The following CACNB4 variants were observed in gnomAD, a reference collection of about 807,000 sequenced individuals.
CACNB4 encodes the protein calcium voltage-gated channel auxiliary subunit beta 4.
CACNB4 carries 32 observed loss-of-function variants against 71.2 expected under a neutral mutation model. That is an observed-to-expected ratio of 0.45 (90% confidence interval 0.34 to 0.60). The LOEUF (loss-of-function observed/expected upper bound fraction) is 0.60, where lower values mean the gene tolerates loss of function less well. CACNB4 is among the 20% of genes least tolerant of loss of function. The pLI, the probability that CACNB4 is intolerant of heterozygous loss-of-function variation, is 0.01. For missense variants in CACNB4, 464 were observed against 647.9 expected (o/e 0.72, Z 3.08); for synonymous variants, 231 against 236.9 (o/e 0.97, Z 0.23).
intron 2 of CACNB4, among the ~76,000 whole-genome samples, chr2:151,974,731 C>G (rs191350965): frequency 6.6e-6 from 1 of 151,524 alleles, no homozygotes; most frequent in Non-Finnish European, 1.5e-5. Context: ...TGCTCCACAC[C>G]GCAACTCAGG....
intron 2 of CACNB4, chr2:151,968,798 A>G (rs1251599383): frequency 6.6e-6 from 1 of 152,200 alleles, no homozygotes; most frequent in African/African-American, 2.4e-5. Flanking sequence ...TCTAATAATA[A>G]TAATAACAGC....
At chr2:152,085,005 C>G (rs1379312395) in intron 2 of CACNB4, among the ~76,000 whole-genome samples, 1 of 151,978 alleles carries the variant, frequency 6.6e-6, no homozygotes, top group South Asian at 2.1e-4. Flanking sequence ...AGCCAAAACA[C>G]AGTATAAGGG....
At chr2:151,954,684 G>C (rs1458961702) in intron 2 of CACNB4, among the ~76,000 whole-genome samples, 1 of 152,044 alleles carries the variant, frequency 6.6e-6, no homozygotes, top group South Asian at 2.1e-4. Context: ...ATTATGATCT[G>C]AACTTGGAAA....
chr2:152,040,095 G>A (rs1018363714), intron 2 of CACNB4, among the ~76,000 whole-genome samples: 1 of 152,146 alleles, frequency 6.6e-6, no homozygotes, highest in African/African-American at 2.4e-5. Flanking sequence ...GGCTAAATGG[G>A]AATGTCTCAT....
intron 2 of CACNB4, among the ~76,000 whole-genome samples, chr2:151,959,988 C>T (rs937705624): frequency 6.6e-6 from 1 of 152,172 alleles, no homozygotes; most frequent in African/African-American, 2.4e-5. Flanking sequence ...AGATCTGCCT[C>T]ACCGTTCTTA....
At chr2:151,913,667 G>A (rs978093756) in intron 2 of CACNB4, among the ~76,000 whole-genome samples, 11 of 151,548 alleles carry the variant, frequency 7.3e-5, no homozygotes, top group Non-Finnish European at 1.5e-4. Flanking sequence ...TCAGGAGGCT[G>A]AGGCAGGCGA....
At chr2:151,883,929 G>C (rs140614951) in intron 2 of CACNB4, 271 of 176,592 alleles carry the variant, frequency 1.5e-3, no homozygotes, top group African/African-American at 6.3e-3. Context: ...TGGTCAACAA[G>C]AACACTGAGC....
In CACNB4 at chr2:151,832,890, A is replaced by C. The variant is rs1009328807; in HGVS notation, c.*6229T>G. 6 of 152,114 alleles carry C rather than the reference A, an allele frequency of 3.9e-5. No homozygotes were observed. The highest frequency in any genetic ancestry group is 1.4e-4 in the African/African-American group (6 of 41,438). 9.4% of individuals were successfully genotyped at this position (152,114 alleles called of 1,614,324 possible). On this transcript the variant is annotated 3_prime_UTR_variant, in exon 14 of 14. Coordinates refer to ENST00000539935, the MANE Select transcript of CACNB4 (RefSeq NM_000726.5). ...AGGATACTCTATGCATGCACTCTGCATTTTCTTTGTTAATGTTTTTATTCA... is the reference window on the plus strand; with the variant it reads ...AGGATACTCTATGCATGCACTCTGCCTTTTCTTTGTTAATGTTTTTATTCA...
chr2:151,950,747 T>A (rs940463332), intron 2 of CACNB4, among the ~76,000 whole-genome samples: 4 of 152,198 alleles, frequency 2.6e-5, no homozygotes, highest in African/African-American at 9.7e-5. Flanking sequence ...ATGTGAAATA[T>A]CCAAAATAAG....
intron 2 of CACNB4, among the ~76,000 whole-genome samples, chr2:152,071,372 G>C (rs979066900): frequency 6.6e-6 from 1 of 152,180 alleles, no homozygotes; most frequent in Non-Finnish European, 1.5e-5. Context: ...GCAGGGGTGA[G>C]AGAGTTACAG....
At chr2:152,005,652 C>A (rs543178636) in intron 2 of CACNB4, among the ~76,000 whole-genome samples, 1 of 152,272 alleles carries the variant, frequency 6.6e-6, no homozygotes, top group South Asian at 2.1e-4. Flanking sequence ...ACATGTATTT[C>A]TAAATCTACA....
chr2:151,934,062 A>G (rs1016354382), intron 2 of CACNB4, among the ~76,000 whole-genome samples: 31 of 152,256 alleles, frequency 2.0e-4, no homozygotes, highest in African/African-American at 7.2e-4. Flanking sequence ...TGCAAAATGC[A>G]GACAGAAAAG....
rs377677255 is a variant in CACNB4, at chr2:152,037,581, C to T, written c.147+60749G>A. Among the ~76,000 whole-genome samples, 19 of 152,348 alleles carry T rather than the reference C, an allele frequency of 1.2e-4. 1 individual carries two copies. The South Asian group carries it at 3.9e-3, about 32-fold the overall frequency. Reference sequence around the variant, plus strand: ...ACATTTTGAAGTATTCCATGAACAACTGAATAATGTGACCTTCTGACTCCC... The same window carrying T: ...ACATTTTGAAGTATTCCATGAACAATTGAATAATGTGACCTTCTGACTCCC... On this transcript the variant is annotated intron_variant, in intron 2 of 13. Coordinates refer to ENST00000539935, the MANE Select transcript of CACNB4 (RefSeq NM_000726.5).
chr2:151,969,331 C>T (rs1339748874), intron 2 of CACNB4: 1 of 152,128 alleles, frequency 6.6e-6, no homozygotes, highest in Non-Finnish European at 1.5e-5. Flanking sequence ...TCCTTAAATC[C>T]CTAAAGTGTC....
chr2:152,013,805 T>C (rs1683193781), intron 2 of CACNB4, among the ~76,000 whole-genome samples: 1 of 152,218 alleles, frequency 6.6e-6, no homozygotes, highest in South Asian at 2.1e-4. Context: ...GATGGGATAG[T>C]GCCTTCCTTC....
In CACNB4 at chr2:151,870,618, A is replaced by C. The variant is rs375112155; in HGVS notation, c.619-7T>G. Reference sequence around the variant, plus strand: ...AAGGAGGAATGTGCTCCGTCTGAAAAAGATGATTCGACACGCGTGACAAGG... The same window carrying C: ...AAGGAGGAATGTGCTCCGTCTGAAACAGATGATTCGACACGCGTGACAAGG... On this transcript the variant is annotated splice_polypyrimidine_tract_variant and splice_region_variant and intron_variant, in intron 7 of 13. Coordinates refer to ENST00000539935, the MANE Select transcript of CACNB4 (RefSeq NM_000726.5). 23 of 1,611,822 alleles carry C rather than the reference A, an allele frequency of 1.4e-5. No homozygotes were observed. The highest frequency in any genetic ancestry group is 2.0e-5 in the Non-Finnish European group (23 of 1,178,536).
rs190502017 is a variant in CACNB4, at chr2:152,089,156, T to C, written c.147+9174A>G. 3.1e-3 allele frequency among the ~76,000 whole-genome samples: 472 copies of C among 152,356 alleles called. 2 individuals carry two copies. Among genetic ancestry groups the C allele is most frequent in the African/African-American group, 0.011 (458 of 41,578 alleles). ...TAGTCAAGTTCAGAACTGACACTCT[T>C]ATAGAATGAAGAGCACTGGATTCAC... On this transcript the variant is annotated intron_variant, in intron 2 of 13. Coordinates refer to ENST00000539935, the MANE Select transcript of CACNB4 (RefSeq NM_000726.5).
In CACNB4 at chr2:152,083,338, AAGGAAGGAAGGAAGGG is replaced by A. The variant is rs1025865479; in HGVS notation, c.147+14976_147+14991del. 9.0e-5 allele frequency among the ~76,000 whole-genome samples: 10 copies of A among 111,212 alleles called. No individual in the cohort carries two copies. In the East Asian group the frequency reaches 1.5e-3, roughly 16 times the overall value. The allele number at this position is 111,212 out of a possible 152,430, so 73.0% of individuals were successfully genotyped here. A position where few individuals can be genotyped will look rare whatever the true frequency, so the allele number is the denominator to read the frequency against. On this transcript the variant is annotated intron_variant, in intron 2 of 13. Coordinates refer to ENST00000539935, the MANE Select transcript of CACNB4 (RefSeq NM_000726.5). ...AAGAAAGCAAGCAAGGAAAGCAAGG[AAGGAAGGAAGGAAGGG>A]AGGAAGGAAGGAAGGGAGGGAGGGA...
intron 3 of CACNB4, 141 bp downstream of exon 3, chr2:151,883,110 G>T (rs959968013): frequency 5.1e-6 from 4 of 781,496 alleles, no homozygotes; most frequent in Non-Finnish European, 8.3e-6. Flanking sequence ...AGAGGTGAAA[G>T]GATCAGAGAG....
Sources: gnomAD v4.1 joint callset for allele counts (sites outside exome capture counted in the v4.1 genomes callset) on GRCh38, gnomAD v4.1.1 for gene constraint, MANE v1.5 for transcripts, NCBI Gene and HGNC (gene_info 2026-07-23, HGNC 2026-07-21) for gene names.